Variants in KIF11 observed in about 807,000 individuals in gnomAD.
KIF11 encodes kinesin family member 11, also known as kinesin-like protein KIF11.
A neutral mutation model predicts 121.0 loss-of-function variants in KIF11; 9 were observed. The observed-to-expected ratio is 0.07, with a 90% CI of 0.04 to 0.13. The LOEUF (loss-of-function observed/expected upper bound fraction) is 0.13. Among genes scored for constraint, KIF11 ranks in the 10% least tolerant of loss-of-function variants. KIF11 has a pLI of 1.00. For missense variants in KIF11, 846 were observed against 1,217.5 expected, an observed-to-expected ratio of 0.69 and a Z score of 4.54; for synonymous variants, 408 against 421.0, an observed-to-expected ratio of 0.97 and a Z score of 0.38.
chr10:92,613,635 G>A lies in KIF11; in HGVS notation c.1032+16G>A. On this transcript the variant is annotated intron_variant, in intron 8 of 21. Transcript: ENST00000260731. This position sits in a 1 kb window ranked among gnomAD's most constrained non-coding sequence, Gnocchi z 4.2. ...CAATCTTGAGGTAAGCCCTTTGAAA[G>A]GAAGCTGCAAGTGTAGTAGCTGTAA... The A allele has an allele frequency of 6.3e-7, 1 of 1,596,082 alleles. No homozygotes were observed. The highest frequency in any genetic ancestry group is 8.5e-7 in the Non-Finnish European group (1 of 1,172,482).
At chr10:92,599,984 T>TTTATTATTA (rs199888219) in intron 1 of KIF11, among the ~76,000 whole-genome samples, 21 of 142,960 alleles carry the variant, frequency 1.5e-4, no homozygotes, top group Admixed American at 9.9e-4. Flanking sequence ...TGAACTTCTG[T>TTTATTATTA]TTATTATTAT....
chr10:92,593,851 A>T (rs183424156), intron 1 of KIF11, among the ~76,000 whole-genome samples: 2 of 152,344 alleles, frequency 1.3e-5, no homozygotes, highest in East Asian at 3.9e-4. Context: ...TTCTAGATGC[A>T]ATATTTTCTG....
chr10:92,604,901 T>G (rs1366870803), intron 1 of KIF11, among the ~76,000 whole-genome samples: 1 of 152,180 alleles, frequency 6.6e-6, no homozygotes, highest in African/African-American at 2.4e-5. Flanking sequence ...GCAATGTAGT[T>G]TAACAGATAT....
intron 12 of KIF11, among the ~76,000 whole-genome samples, chr10:92,631,518 C>T (rs1191440879): frequency 6.7e-6 from 1 of 150,088 alleles, no homozygotes; most frequent in Admixed American, 6.6e-5. Flanking sequence ...CCCGCCACCG[C>T]GCCCGGCTAA....
At chr10:92,622,230 C>T (rs368028898) in intron 10 of KIF11, among the ~76,000 whole-genome samples, 6 of 151,970 alleles carry the variant, frequency 3.9e-5, no homozygotes, top group East Asian at 1.9e-4. Context: ...GCCAAGATCG[C>T]GCCATTGCAC....
intron 12 of KIF11, among the ~76,000 whole-genome samples, chr10:92,631,102 A>C (rs1400849362): frequency 6.6e-6 from 1 of 150,652 alleles, no homozygotes; most frequent in Non-Finnish European, 1.5e-5. Flanking sequence ...CCTGACCAAC[A>C]TGGTAAAACC....
At chr10:92,639,709 A>G in intron 16 of KIF11, 85 bp from the exon 17 acceptor site, 1 of 734,014 alleles carries the variant, frequency 1.4e-6, no homozygotes, top group Non-Finnish European at 2.4e-6. Context: ...ACCTATGGAC[A>G]ATACTTCTTG....
Position 92,649,969 on chromosome 10 carries a change from AAAG to A in KIF11, c.2910_2912del (p.Glu971del), listed in dbSNP as rs1844963342. On this transcript the variant is annotated inframe_deletion, in exon 20 of 22. Coordinates refer to ENST00000260731, the MANE Select transcript of KIF11 (RefSeq NM_004523.4). ...GATGCTAAACTGTTCAGAAAACAAC[AAAG>A]AAGAGACAATTCCGGTAAATTTAAA... The A allele has an allele frequency of 5.6e-6, 9 of 1,611,092 alleles. No homozygotes were observed. Among genetic ancestry groups the A allele is most frequent in the Non-Finnish European group, 7.6e-6 (9 of 1,177,924 alleles).
At chr10:92,627,792 A>AT (rs1187431221) in intron 10 of KIF11, among the ~76,000 whole-genome samples, 4 of 151,566 alleles carry the variant, frequency 2.6e-5, no homozygotes, top group East Asian at 3.9e-4. Flanking sequence ...TCTTTGTTGG[A>AT]TTTTTTTTCT....
chr10:92,651,512 T>G (rs1413802048), intron 21 of KIF11, among the ~76,000 whole-genome samples: 11 of 42,742 alleles, frequency 2.6e-4, no homozygotes, highest in East Asian at 2.3e-3. Flanking sequence ...ATTTTGTTTT[T>G]TTTTTTTTTT....
At position 92,648,199 on chromosome 10, in the gene KIF11, G is replaced by C. The variant is rs372954774; in HGVS notation, c.2548-13G>C. On this transcript the variant is annotated splice_polypyrimidine_tract_variant and intron_variant, in intron 18 of 21. Transcript: ENST00000260731. Reference sequence around the variant, plus strand: ...TAATTTTAGTAATAAATATTTATTTGCATCATTTACAGGTTGTAAGCCAAT... The same window carrying C: ...TAATTTTAGTAATAAATATTTATTTCCATCATTTACAGGTTGTAAGCCAAT... 2 of 1,490,376 alleles carry C rather than the reference G, an allele frequency of 1.3e-6. No individual in the cohort carries two copies. Among genetic ancestry groups the C allele is most frequent in the Non-Finnish European group, 1.8e-6 (2 of 1,091,896 alleles). The allele number at this position is 1,490,376 out of a possible 1,614,324, so 92.3% of individuals were successfully genotyped here. A position where few individuals can be genotyped will look rare whatever the true frequency, so the allele number is the denominator to read the frequency against.
intron 11 of KIF11, among the ~76,000 whole-genome samples, chr10:92,629,499 G>A (rs1174305496): frequency 2.6e-5 from 4 of 152,162 alleles, no homozygotes; most frequent in Non-Finnish European, 1.5e-5. Flanking sequence ...ATGTTTATCA[G>A]ATGAAGGAAT....
chr10:92,609,106 G>T lies in KIF11; in HGVS notation c.474G>T (p.Val158=). Residue 158 remains valine, a synonymous_variant, in exon 5 of 22, where the codon GTG becomes GTT. Coordinates refer to ENST00000260731, the MANE Select transcript of KIF11 (RefSeq NM_004523.4). ...TDNGTEFSVK[V]SLLEIYNEEL... Reference sequence around the variant, plus strand: ...ATGGTACTGAATTTTCAGTCAAAGTGTCTCTGTTGGAGATCTATAATGAAG... The same window carrying T: ...ATGGTACTGAATTTTCAGTCAAAGTTTCTCTGTTGGAGATCTATAATGAAG... 1 of 1,606,322 alleles carries T rather than the reference G, an allele frequency of 6.2e-7. No homozygotes were observed. Among genetic ancestry groups the T allele is most frequent in the Non-Finnish European group, 8.5e-7 (1 of 1,175,598 alleles).
At position 92,593,292 on chromosome 10, in the gene KIF11, C is replaced by A; in HGVS notation, c.-84C>A. 2 of 1,404,466 alleles carry A rather than the reference C, an allele frequency of 1.4e-6. No homozygotes were observed. Among genetic ancestry groups the A allele is most frequent in the East Asian group, 2.5e-5 (1 of 40,446 alleles). The allele number at this position is 1,404,466 out of a possible 1,614,324, so 87.0% of individuals were successfully genotyped here. A position where few individuals can be genotyped will look rare whatever the true frequency, so the allele number is the denominator to read the frequency against. On this transcript the variant is annotated 5_prime_UTR_variant, in exon 1 of 22. Transcript: ENST00000260731. The stretch of plus-strand genomic sequence containing the variant: ...CGCCCGAGAGGGACCAGGGAGACTC[C>A]GGCCCCTGTCGGCCGCCAAGCCCCT...
At chr10:92,622,238 C>T (rs191524583) in intron 10 of KIF11, among the ~76,000 whole-genome samples, 66 of 152,162 alleles carry the variant, frequency 4.3e-4, no homozygotes, top group Admixed American at 2.6e-3. Flanking sequence ...CGCGCCATTG[C>T]ACTCCAGCCT....
chr10:92,609,731 T>C (rs1392483174), intron 6 of KIF11, among the ~76,000 whole-genome samples: 1 of 151,990 alleles, frequency 6.6e-6, no homozygotes, highest in Non-Finnish European at 1.5e-5. Flanking sequence ...ATAGCTGAAG[T>C]ATTAAACTTT....
intron 10 of KIF11, among the ~76,000 whole-genome samples, chr10:92,627,459 T>C (rs1844692475): frequency 6.6e-6 from 1 of 152,254 alleles, no homozygotes; most frequent in Non-Finnish European, 1.5e-5. Flanking sequence ...TTTTAGTTTC[T>C]AAAAACTCTT....
intron 12 of KIF11, 47 bp downstream of exon 12, chr10:92,630,411 T>C: frequency 8.2e-7 from 1 of 1,214,880 alleles, no homozygotes; most frequent in East Asian, 2.7e-5. Context: ...AGAGAATGGG[T>C]AGAAAAAATT....
intron 21 of KIF11, 90 bp from the exon 22 acceptor site, chr10:92,653,575 A>G (rs1388527564): frequency 5.5e-6 from 7 of 1,283,926 alleles, no homozygotes; most frequent in Middle Eastern, 2.1e-4. Context: ...TTTTTTGCCT[A>G]TAACCCAGAG....
Sources: allele counts gnomAD v4.1 joint callset (sites outside exome capture counted in the v4.1 genomes callset), GRCh38; gene constraint gnomAD v4.1.1; non-coding constraint Gnocchi (gnomAD v3.1); transcripts MANE v1.5; gene names NCBI Gene and HGNC (gene_info 2026-07-23, HGNC 2026-07-21).